The following STK26 variants were observed in gnomAD, a reference collection of about 807,000 sequenced individuals.
The protein encoded by STK26 is serine/threonine kinase 26.
Under a neutral mutation model 34.7 loss-of-function variants are expected in STK26, and 14 were observed. That is an observed-to-expected ratio of 0.40 (90% CI 0.27 to 0.63). The LOEUF is 0.63. Among genes scored for constraint, STK26 ranks in the 30% least tolerant of loss-of-function variants. STK26 has a pLI of 0.38. For missense variants in STK26, 226 were observed against 309.1 expected (o/e 0.73, Z 2.02); for synonymous variants, 100 against 109.8 (o/e 0.91, Z 0.56).
chrX:132,037,112 T>G (rs1260959783), intron 2 of STK26, among the ~76,000 whole-genome samples: 1 of 112,125 alleles, frequency 8.9e-6, no homozygotes, highest in Non-Finnish European at 1.9e-5. Flanking sequence ...GCTAAATATT[T>G]TTATTATATG....
chrX:132,024,106 G>A (rs1602736226), intron 2 of STK26, among the ~76,000 whole-genome samples: 1 of 111,200 alleles, frequency 9.0e-6, no homozygotes. Flanking sequence ...GGGTGGCGGC[G>A]GCGGCGGCTT....
chrX:132,072,444 G>T, intron 9 of STK26, 83 bp downstream of exon 9: 1 of 798,248 alleles, frequency 1.3e-6, no homozygotes. Context: ...AAATTGTTAG[G>T]ATTGAATACC....
chrX:132,063,652 A>G (rs765732213), intron 4 of STK26, among the ~76,000 whole-genome samples, 163 bp downstream of exon 4: 4 of 111,975 alleles, frequency 3.6e-5, no homozygotes, highest in Non-Finnish European at 5.6e-5. Flanking sequence ...TTATGTAGGT[A>G]CAGATGTATT....
chrX:132,057,691 T>G (rs1447478790), intron 3 of STK26, among the ~76,000 whole-genome samples: 1 of 111,942 alleles, frequency 8.9e-6, no homozygotes, highest in Non-Finnish European at 1.9e-5. Flanking sequence ...ATCACAAATT[T>G]CACTGCCTGT....
intron 2 of STK26, 124 bp from the exon 3 acceptor site, chrX:132,054,507 C>A: frequency 1.8e-6 from 1 of 567,103 alleles, no homozygotes; most frequent in Non-Finnish European, 2.8e-6. Context: ...TGTGGGGAGT[C>A]AGAGGAGTTT....
chrX:132,068,141 G>T, intron 4 of STK26, 74 bp from the exon 5 acceptor site: 1 of 802,494 alleles, frequency 1.2e-6, no homozygotes, highest in South Asian at 2.8e-5. Flanking sequence ...TCATTTCAAA[G>T]GTACCAATTT....
intron 2 of STK26, among the ~76,000 whole-genome samples, chrX:132,040,453 C>T (rs1289867859): frequency 1.8e-5 from 2 of 112,038 alleles, no homozygotes; most frequent in African/African-American, 3.2e-5. Context: ...TTTAGAGATA[C>T]ACTTTAACCA....
intron 2 of STK26, among the ~76,000 whole-genome samples, chrX:132,037,726 A>G (rs1292289320): frequency 9.8e-6 from 1 of 101,590 alleles, no homozygotes; most frequent in Admixed American, 1.1e-4. Flanking sequence ...CAGGCATTGA[A>G]TTCTGTTTCT....
At chrX:132,054,250 T>A (rs1353901071) in intron 2 of STK26, among the ~76,000 whole-genome samples, 17 of 112,362 alleles carry the variant, frequency 1.5e-4, no homozygotes, top group Non-Finnish European at 1.9e-5. Context: ...TGTTAGAAAC[T>A]TAAACAGTTC....
intron 2 of STK26, among the ~76,000 whole-genome samples, chrX:132,052,803 C>T (rs921488005): frequency 8.9e-6 from 1 of 112,097 alleles, no homozygotes; most frequent in Admixed American, 9.5e-5. Context: ...TATGTATCTT[C>T]AAATAAATGA....
chrX:132,023,504 C>G lies in STK26; in HGVS notation c.-110-4C>G. The G allele has an allele frequency of 1.0e-6, 1 of 968,654 alleles. No homozygotes were observed. The highest frequency in any genetic ancestry group is 1.4e-6 in the Non-Finnish European group (1 of 694,574). 79.8% of individuals were successfully genotyped at this position (968,654 alleles called of 1,213,427 possible). On this transcript the variant is annotated splice_region_variant and splice_polypyrimidine_tract_variant and intron_variant, in intron 1 of 11. Coordinates refer to ENST00000394334, the MANE Select transcript of STK26 (RefSeq NM_016542.4). ...AGTAACCCCACTTTTGTGTGTCCTC[C>G]CAGGCCCCGATCGAAAAGCCTGGGA... is the stretch of plus-strand genomic sequence containing the variant.
chrX:132,044,367 G>A (rs1926369841), intron 2 of STK26, among the ~76,000 whole-genome samples: 1 of 111,220 alleles, frequency 9.0e-6, no homozygotes, highest in African/African-American at 3.3e-5. Flanking sequence ...GGTTCCCCTA[G>A]GGGGATGATA....
chrX:132,026,012 G>T (rs1375828252), intron 2 of STK26, among the ~76,000 whole-genome samples: 2 of 111,767 alleles, frequency 1.8e-5, no homozygotes, highest in African/African-American at 6.5e-5. Context: ...CCACAAATCA[G>T]GGTGAGGTAG....
At chrX:132,029,241 G>T (rs1925734134) in intron 2 of STK26, among the ~76,000 whole-genome samples, 1 of 111,676 alleles carries the variant, frequency 9.0e-6, no homozygotes, top group Non-Finnish European at 1.9e-5. Flanking sequence ...TAATTTAGCT[G>T]GTACTTAGGA....
At chrX:132,040,073 G>C (rs1926206745) in intron 2 of STK26, among the ~76,000 whole-genome samples, 1 of 111,956 alleles carries the variant, frequency 8.9e-6, no homozygotes, top group Non-Finnish European at 1.9e-5. Flanking sequence ...CTGTAACCTA[G>C]TCATGTGAGG....
chrX:132,063,970 T>C (rs1342885801), intron 4 of STK26, among the ~76,000 whole-genome samples: 1 of 111,659 alleles, frequency 9.0e-6, no homozygotes, highest in Non-Finnish European at 1.9e-5. Flanking sequence ...AATTAAGTCA[T>C]GAAGGTGAGT....
chrX:132,030,929 T>C (rs1925810367), intron 2 of STK26, among the ~76,000 whole-genome samples: 1 of 110,992 alleles, frequency 9.0e-6, no homozygotes, highest in Admixed American at 9.6e-5. Context: ...TACATATCTA[T>C]GGGATACAGA....
chrX:132,030,845 A>G (rs1925805607), intron 2 of STK26, among the ~76,000 whole-genome samples: 1 of 112,217 alleles, frequency 8.9e-6, no homozygotes, highest in Admixed American at 9.4e-5. Context: ...TTTTAAAAAA[A>G]TCAATTAAAT....
At chrX:132,060,617 T>C (rs1326666831) in intron 3 of STK26, among the ~76,000 whole-genome samples, 1 of 109,876 alleles carries the variant, frequency 9.1e-6, no homozygotes, top group Non-Finnish European at 1.9e-5. Context: ...TTTGTTTTTT[T>C]GTTTTGCTTT....
Sources: gnomAD v4.1 joint callset for allele counts (sites outside exome capture counted in the v4.1 genomes callset) on GRCh38, gnomAD v4.1.1 for gene constraint, MANE v1.5 for transcripts, NCBI Gene and HGNC (gene_info 2026-07-23, HGNC 2026-07-21) for gene names.